Variants in ESRP1 observed in about 807,000 individuals in gnomAD.
ESRP1 encodes RNA-binding motif protein 35A.
In ESRP1, 33 loss-of-function variants were observed where a neutral mutation model predicts 81.7. The ratio of observed to expected loss-of-function variants is 0.40; its 90% CI spans 0.31 to 0.54. The LOEUF is 0.54. Ranked by LOEUF, ESRP1 falls within the 20% of genes least tolerant of loss-of-function variation. The pLI, the probability that ESRP1 is intolerant of heterozygous loss-of-function variation, is 0.41. For missense variants in ESRP1, 672 were observed against 833.1 expected, an observed-to-expected ratio of 0.81 and a Z score of 2.38; for synonymous variants, 320 against 303.3, an observed-to-expected ratio of 1.06 and a Z score of -0.57.
At chr8:94,652,707 T>C (rs1377167198) in intron 4 of ESRP1, among the ~76,000 whole-genome samples, 17 of 152,220 alleles carry the variant, frequency 1.1e-4, no homozygotes, top group Non-Finnish European at 2.5e-4. Context: ...ATATTGTGTT[T>C]ACTTCCCTTT....
Position 94,668,008 on chromosome 8 carries a change from C to A in ESRP1, c.991C>A (p.Arg331=), listed in dbSNP as rs763304563. ...SKENQVIVRM[R]GLPFTATAEE... Reference sequence around the variant, plus strand: ...GGAAAATCAAGTCATTGTCCGCATGCGGGGGCTCCCTTTCACGGCCACAGC... The same window carrying A: ...GGAAAATCAAGTCATTGTCCGCATGAGGGGGCTCCCTTTCACGGCCACAGC... Residue 331 remains arginine (R), a synonymous_variant, in exon 10 of 16, where the codon CGG becomes AGG. Transcript: ENST00000433389. 6.2e-7 allele frequency: 1 copy of A among 1,613,072 alleles called. No individual in the cohort carries two copies. Among genetic ancestry groups the A allele is most frequent in the African/African-American group, 1.3e-5 (1 of 75,028 alleles).
chr8:94,651,987 CTTTTTT>C (rs35903773), intron 4 of ESRP1, among the ~76,000 whole-genome samples: 13 of 65,224 alleles, frequency 2.0e-4, no homozygotes, highest in South Asian at 6.9e-4. Flanking sequence ...TCTAAAACGC[CTTTTTT>C]TTTTTTTTTT....
chr8:94,692,488 CT>C (rs1339404549), intron 13 of ESRP1, among the ~76,000 whole-genome samples, 188 bp from the exon 14 acceptor site: 3 of 152,138 alleles, frequency 2.0e-5, no homozygotes, highest in African/African-American at 7.2e-5. Flanking sequence ...TGCCTTTCAA[CT>C]TTTGGCTTTC....
At chr8:94,659,995 T>C (rs1818636597) in intron 4 of ESRP1, among the ~76,000 whole-genome samples, 1 of 152,164 alleles carries the variant, frequency 6.6e-6, no homozygotes, top group South Asian at 2.1e-4. Context: ...GATTGGTTTA[T>C]GAGATTCAAG....
In ESRP1 at chr8:94,649,859, CAGAAAGTAT is replaced by C. The variant is rs550381180; in HGVS notation, c.490+3580_490+3588del. On this transcript the variant is annotated intron_variant, in intron 4 of 15. Coordinates refer to ENST00000433389, the MANE Select transcript of ESRP1 (RefSeq NM_017697.4). ...GTTTTAGGTTTAGAGCAAAATTGGGCAGAAAGTATAGTGTTCCTATATAACCCTTGTTAC... is the reference window on the plus strand; with the variant it reads ...GTTTTAGGTTTAGAGCAAAATTGGGCAGTGTTCCTATATAACCCTTGTTAC... 5.9e-3 allele frequency among the ~76,000 whole-genome samples: 894 copies of C among 152,312 alleles called. 7 individuals are homozygous for C. The highest frequency in any genetic ancestry group is 9.8e-3 in the Non-Finnish European group (669 of 68,028).
intron 3 of ESRP1, among the ~76,000 whole-genome samples, chr8:94,644,163 G>A (rs1438067116): frequency 6.6e-6 from 1 of 152,178 alleles, no homozygotes; most frequent in African/African-American, 2.4e-5. Flanking sequence ...TAAATACTGA[G>A]GGGCTGTGGG....
chr8:94,677,574 AT>A (rs780818178), intron 12 of ESRP1, among the ~76,000 whole-genome samples: 1 of 152,070 alleles, frequency 6.6e-6, no homozygotes, highest in Non-Finnish European at 1.5e-5. Flanking sequence ...CCCAGGTTGG[AT>A]TTTTTTCTTT....
At chr8:94,674,102 A>C (rs1314325128) in intron 11 of ESRP1, among the ~76,000 whole-genome samples, 3 of 152,138 alleles carry the variant, frequency 2.0e-5, no homozygotes, top group Non-Finnish European at 2.9e-5. Flanking sequence ...AGCTCTCAAA[A>C]CTGTTTCTTA....
intron 15 of ESRP1, 113 bp from the exon 16 acceptor site, chr8:94,705,812 C>A: frequency 1.0e-6 from 1 of 967,790 alleles, no homozygotes; most frequent in Non-Finnish European, 1.5e-6. Context: ...CATCTTAAGG[C>A]TTTTTTTCCA....
chr8:94,642,132 A>T, intron 2 of ESRP1, 48 bp downstream of exon 2: 4 of 1,589,396 alleles, frequency 2.5e-6, no homozygotes, highest in Non-Finnish European at 2.6e-6. Flanking sequence ...GCCCAACCCC[A>T]CCGCACCCTA....
intron 4 of ESRP1, among the ~76,000 whole-genome samples, chr8:94,648,914 A>T (rs1817972665): frequency 6.6e-6 from 1 of 152,264 alleles, no homozygotes; most frequent in South Asian, 2.1e-4. Context: ...AGTAAATTTA[A>T]AATTTTTAAC....
chr8:94,700,405 G>A (rs910370097), intron 15 of ESRP1, among the ~76,000 whole-genome samples: 1 of 152,202 alleles, frequency 6.6e-6, no homozygotes, highest in African/African-American at 2.4e-5. Flanking sequence ...AATGTGACGA[G>A]GGAGGCAGAG....
At position 94,642,043 on chromosome 8, in the gene ESRP1, A is replaced by G; in HGVS notation, c.220A>G (p.Ser74Gly). 1.2e-6 allele frequency: 2 copies of G among 1,613,700 alleles called. No homozygotes were observed. The highest frequency in any genetic ancestry group is 1.7e-6 in the Non-Finnish European group (2 of 1,179,868). ...AGAAGAAACTAAAATAGACGTCGAA[A>G]GCCTGTCCTCGGCGTCGCAGCTGGA... ...CKEETKIDVE[S>G]LSSASQLDQA... The change falls in exon 2 of 16, where the codon AGC becomes GGC. Residue 74 changes from serine to glycine, a missense_variant. By Grantham distance (56) the Ser-to-Gly change is moderately conservative. Transcript: ENST00000433389.
rs1213577663 is a variant in ESRP1 at position 94,668,153 on chromosome 8, G to A, written c.1136G>A (p.Cys379Tyr). Residue 379 changes from cysteine (C) to tyrosine (Y), a missense_variant, in exon 10 of 16, where the codon TGT (cysteine) becomes TAT (tyrosine). By Grantham distance (194) the Cys-to-Tyr change is radical. Transcript: ENST00000433389. The stretch of plus-strand genomic sequence containing the variant: ...GGGGACGCTTTTGTCCTCTTTGCCT[G>A]TGAGGAATATGCACAGAATGCGTTG... The part of the protein sequence containing the change: ...PTGDAFVLFA[C>Y]EEYAQNALRK... 3 of 1,613,928 alleles carry A rather than the reference G, an allele frequency of 1.9e-6. No homozygotes were observed. Among genetic ancestry groups the A allele is most frequent in the Admixed American group, 1.7e-5 (1 of 60,002 alleles).
chr8:94,669,830 G>A (rs141750375), intron 10 of ESRP1, among the ~76,000 whole-genome samples: 64 of 145,716 alleles, frequency 4.4e-4, no homozygotes, highest in African/African-American at 1.6e-3. Flanking sequence ...AGATCACGCT[G>A]CACTCTAGCC....
At chr8:94,688,928 A>C (rs1299195758) in intron 13 of ESRP1, among the ~76,000 whole-genome samples, 1 of 152,092 alleles carries the variant, frequency 6.6e-6, no homozygotes, top group African/African-American at 2.4e-5. Flanking sequence ...GCACCTGTAG[A>C]TCAATTTGGT....
At chr8:94,680,062 G>A (rs999350716) in intron 13 of ESRP1, among the ~76,000 whole-genome samples, 2 of 151,682 alleles carry the variant, frequency 1.3e-5, no homozygotes, top group African/African-American at 4.8e-5. Flanking sequence ...TTTTTTCCCT[G>A]ACTAAAGATG....
intron 9 of ESRP1, 74 bp downstream of exon 9, chr8:94,665,270 G>C: frequency 7.1e-7 from 1 of 1,415,668 alleles, no homozygotes; most frequent in Non-Finnish European, 9.8e-7. Context: ...TTTAGCAAGA[G>C]TAGGTGAATA....
chr8:94,656,514 C>A (rs1184372765), intron 4 of ESRP1, among the ~76,000 whole-genome samples: 2 of 152,220 alleles, frequency 1.3e-5, no homozygotes, highest in African/African-American at 2.4e-5. Flanking sequence ...AGCCACCACG[C>A]CCGGCCCATA....
Sources: gnomAD v4.1 joint callset for allele counts (sites outside exome capture counted in the v4.1 genomes callset) on GRCh38, gnomAD v4.1.1 for gene constraint, MANE v1.5 for transcripts, NCBI Gene and HGNC (gene_info 2026-07-23, HGNC 2026-07-21) for gene names.